The following ST7L variants were observed in gnomAD, a reference collection of about 807,000 sequenced individuals.
The protein encoded by ST7L is suppression of tumorigenicity 7 like.
A neutral mutation model predicts 72.5 loss-of-function variants in ST7L; 57 were observed. The ratio of observed to expected loss-of-function variants is 0.79; its 90% CI spans 0.64 to 0.98. ST7L has a LOEUF of 0.98. Ranked by LOEUF, ST7L falls within the 50% of genes least tolerant of loss-of-function variation. ST7L has a pLI of 0.00. For synonymous variants in ST7L, 221 were observed against 240.9 expected (o/e 0.92, Z 0.77); for missense variants, 576 against 672.2 (o/e 0.86, Z 1.58).
chr1:112,572,375 C>G (rs934444201), intron 11 of ST7L, among the ~76,000 whole-genome samples: 1 of 152,206 alleles, frequency 6.6e-6, no homozygotes, highest in African/African-American at 2.4e-5. Context: ...GGAACAACTT[C>G]TCCTCTCTAG....
intron 13 of ST7L, among the ~76,000 whole-genome samples, chr1:112,545,105 T>C (rs1172185480): frequency 2.0e-5 from 3 of 152,198 alleles, no homozygotes; most frequent in African/African-American, 7.2e-5. Flanking sequence ...ACAAAAAACA[T>C]TAAGTACTCC....
rs868431500 is a variant in ST7L, at chr1:112,526,089, T to G, written c.1652A>C (p.Gln551Pro). The G allele has an allele frequency of 1.2e-6, 2 of 1,614,158 alleles. No individual in the cohort carries two copies. Among genetic ancestry groups the G allele is most frequent in the Middle Eastern group, 3.3e-4 (2 of 6,062 alleles). The change falls in exon 15 of 15, where the codon CAA becomes CCA. Residue 551 changes from glutamine to proline, a missense_variant. This residue lies in a region of ST7L where 511 missense variants were observed against 600.7 expected (regional missense o/e 0.85). Coordinates refer to ENST00000358039, the MANE Select transcript of ST7L (RefSeq NM_017744.5). ...AKAVLGLWCP[Q>P]PWASSGFEEN... ...CTCAAAGCCTGAGGATGCCCAGGGT[T>G]GGGGGCACCAGAGTCCCAGCACCTT...
At chr1:112,587,636 A>G (rs1665063854) in intron 6 of ST7L, among the ~76,000 whole-genome samples, 1 of 152,186 alleles carries the variant, frequency 6.6e-6, no homozygotes, top group South Asian at 2.1e-4. Context: ...TCAACTGACC[A>G]TAGATAATAT....
Position 112,525,273 on chromosome 1 carries a change from G to A in ST7L, c.*740C>T, listed in dbSNP as rs574311107. 33 of 152,334 alleles carry A rather than the reference G, an allele frequency of 2.2e-4. 1 individual carries two copies. Among genetic ancestry groups the A allele is most frequent in the African/African-American group, 7.2e-4 (30 of 41,568 alleles). 9.4% of individuals were successfully genotyped at this position (152,334 alleles called of 1,614,324 possible). ...TTCCAGGGATGATCTCCATAAGAGAGAAGCACTGGAAAAGACCAAGTGGTG... is the reference window on the plus strand; with the variant it reads ...TTCCAGGGATGATCTCCATAAGAGAAAAGCACTGGAAAAGACCAAGTGGTG... On this transcript the variant is annotated 3_prime_UTR_variant, in exon 15 of 15. Transcript: ENST00000358039.
intron 1 of ST7L, among the ~76,000 whole-genome samples, chr1:112,617,717 TCACACACACACACACACA>T (rs56216561): frequency 7.9e-6 from 1 of 126,432 alleles, no homozygotes; most frequent in Non-Finnish European, 1.6e-5. Context: ...TTTCTCTCTC[TCACACACACACACACACA>T]CACACACACA....
chr1:112,525,685 GTTCT>G lies in ST7L; in HGVS notation c.*324_*327del, dbSNP rs1225909198. The G allele has an allele frequency of 2.3e-5, 5 of 216,388 alleles. No homozygotes were observed. The highest frequency in any genetic ancestry group is 6.8e-5 in the African/African-American group (3 of 44,226). 13.4% of individuals were successfully genotyped at this position (216,388 alleles called of 1,614,324 possible). A position where few individuals can be genotyped will look rare whatever the true frequency, so the allele number is the denominator to read the frequency against. On this transcript the variant is annotated 3_prime_UTR_variant, in exon 15 of 15. Transcript: ENST00000358039. Reference sequence around the variant, plus strand: ...ATCGATGGAGCAGCTGGACATTAGAGTTCTTTCTCTTTGACCAAAGGAGCCAAAA... The same window carrying G: ...ATCGATGGAGCAGCTGGACATTAGAGTTCTCTTTGACCAAAGGAGCCAAAA...
chr1:112,588,703 T>C (rs186445533), intron 6 of ST7L, among the ~76,000 whole-genome samples: 1 of 152,336 alleles, frequency 6.6e-6, no homozygotes, highest in Non-Finnish European at 1.5e-5. Flanking sequence ...TGACTGATTT[T>C]CGTATGTTGA....
At chr1:112,574,668 A>C (rs910830013) in intron 11 of ST7L, among the ~76,000 whole-genome samples, 2 of 152,006 alleles carry the variant, frequency 1.3e-5, no homozygotes, top group Non-Finnish European at 2.9e-5. Context: ...CAAAAAAAAA[A>C]GAAAAAAAAT....
chr1:112,569,957 C>CAAAAAAAA (rs750153250), intron 11 of ST7L, among the ~76,000 whole-genome samples: 6 of 73,328 alleles, frequency 8.2e-5, no homozygotes, highest in African/African-American at 1.1e-4. Flanking sequence ...GATTCTGTCT[C>CAAAAAAAA]AAAAAAAAAA....
intron 6 of ST7L, 153 bp downstream of exon 6, chr1:112,591,372 G>T: frequency 1.6e-6 from 1 of 606,146 alleles, no homozygotes; most frequent in Non-Finnish European, 2.8e-6. Flanking sequence ...ACAGATGTTG[G>T]CAAACACTGA....
intron 14 of ST7L, chr1:112,539,075 C>T (rs996210032): frequency 6.6e-6 from 1 of 152,202 alleles, no homozygotes; most frequent in Non-Finnish European, 1.5e-5. Context: ...GACAAGGCAG[C>T]ACTATCGAGC....
intron 12 of ST7L, among the ~76,000 whole-genome samples, chr1:112,555,308 G>A (rs994029654): frequency 4.6e-5 from 7 of 152,224 alleles, no homozygotes; most frequent in African/African-American, 1.7e-4. Context: ...GCTCATGCCC[G>A]TAATCCCAGC....
At chr1:112,554,621 G>A (rs1658784975) in intron 12 of ST7L, among the ~76,000 whole-genome samples, 1 of 152,010 alleles carries the variant, frequency 6.6e-6, no homozygotes. Context: ...CCCTTTCTGG[G>A]CATATACCCA....
chr1:112,551,243 G>T (rs1011700436), intron 12 of ST7L, among the ~76,000 whole-genome samples: 3 of 148,300 alleles, frequency 2.0e-5, no homozygotes, highest in African/African-American at 7.5e-5. Flanking sequence ...CTGCCTCCTG[G>T]GTTCACGCCA....
chr1:112,522,230 A>G (rs1328475454), downstream of ST7L: 2 of 151,804 alleles, frequency 1.3e-5, no homozygotes, highest in East Asian at 3.9e-4. Flanking sequence ...GGAGCTCACT[A>G]TGTTGCCCAG....
intron 6 of ST7L, among the ~76,000 whole-genome samples, chr1:112,588,969 A>G (rs1665273472): frequency 1.3e-5 from 2 of 152,042 alleles, no homozygotes; most frequent in Admixed American, 6.6e-5. Context: ...GGTAATCTCA[A>G]TTGACTTAAA....
At chr1:112,563,722 T>C (rs1660526707) in intron 11 of ST7L, among the ~76,000 whole-genome samples, 1 of 152,174 alleles carries the variant, frequency 6.6e-6, no homozygotes, top group African/African-American at 2.4e-5. Context: ...GACATAATGA[T>C]GTATGGTCTA....
At chr1:112,567,261 ATG>A (rs1661210323) in intron 11 of ST7L, among the ~76,000 whole-genome samples, 1 of 151,846 alleles carries the variant, frequency 6.6e-6, no homozygotes, top group African/African-American at 2.4e-5. Flanking sequence ...ACATCTCTTT[ATG>A]TGTTATTGGA....
Position 112,616,736 on chromosome 1 carries a change from C to CT in ST7L, c.288+76dup, listed in dbSNP as rs879095056. On this transcript the variant is annotated intron_variant, in intron 2 of 14. Coordinates refer to ENST00000358039, the MANE Select transcript of ST7L (RefSeq NM_017744.5). ...CCAGCCTGGGCGACAGAGCAAGACTCTGTCTCAAAAAAGAAAAAAAAAAAA... is the reference window on the plus strand; with the variant it reads ...CCAGCCTGGGCGACAGAGCAAGACTCTTGTCTCAAAAAAGAAAAAAAAAAAA... The CT allele has an allele frequency of 9.5e-5, 102 of 1,070,554 alleles. No individual in the cohort carries two copies. In the South Asian group the frequency reaches 1.4e-3, roughly 14 times the overall value. The allele number at this position is 1,070,554 out of a possible 1,614,324, so 66.3% of individuals were successfully genotyped here.
Sources: allele counts gnomAD v4.1 joint callset (sites outside exome capture counted in the v4.1 genomes callset), GRCh38; gene constraint gnomAD v4.1.1; regional missense constraint gnomAD v4.1.1; transcripts MANE v1.5; gene names NCBI Gene and HGNC (gene_info 2026-07-23, HGNC 2026-07-21).